The following TRPM3 variants were observed in gnomAD, a reference collection of about 807,000 sequenced individuals.
TRPM3 encodes the protein long transient receptor potential channel 3.
A neutral mutation model predicts 181.2 loss-of-function variants in TRPM3; 77 were observed. The observed-to-expected ratio is 0.42, with a 90% confidence interval of 0.35 to 0.51. TRPM3 has a LOEUF of 0.51. TRPM3 is among the 20% of genes least tolerant of loss of function. The probability of loss-of-function intolerance (pLI) is 0.01; values close to 1 mark genes in which losing one functional copy is unlikely to be tolerated. For synonymous variants in TRPM3, 745 were observed against 796.4 expected, an observed-to-expected ratio of 0.94 and a Z score of 1.09; for missense variants, 1,759 against 2,196.7, an observed-to-expected ratio of 0.80 and a Z score of 3.98.
intron 22 of TRPM3, among the ~76,000 whole-genome samples, chr9:70,567,699 A>G (rs2051004335): frequency 6.7e-6 from 1 of 148,168 alleles, no homozygotes; most frequent in Non-Finnish European, 1.5e-5. Flanking sequence ...CCTACATAGA[A>G]AGAAAACAAG....
chr9:71,282,170 TGAAAGAAAGAAAGAAAG>T lies in TRPM3; in HGVS notation c.183+164466_183+164482del, dbSNP rs1215135722. Among the ~76,000 whole-genome samples, 8 of 16,540 alleles carry T rather than the reference TGAAAGAAAGAAAGAAAG, an allele frequency of 4.8e-4. 2 individuals are homozygous for T. Among genetic ancestry groups the T allele is most frequent in the Non-Finnish European group, 8.9e-4 (7 of 7,892 alleles). The allele number at this position is 16,540 out of a possible 152,430, so 10.9% of individuals were successfully genotyped here. ...GAAAGAAAGAAAGGAAAAGAAAGAA[TGAAAGAAAGAAAGAAAG>T]GAAAGAAAGAATGAAAGAAAGAAAG... On this transcript the variant is annotated intron_variant, in intron 1 of 24. Coordinates refer to the TRPM3 transcript ENST00000357533.
chr9:71,237,343 A>G (rs2131944967), intron 1 of TRPM3, among the ~76,000 whole-genome samples: 1 of 152,156 alleles, frequency 6.6e-6, no homozygotes, highest in South Asian at 2.1e-4. Flanking sequence ...TGACCTCAAC[A>G]TTTTCCTACA....
At chr9:70,967,606 C>T (rs1369133900) in intron 1 of TRPM3, among the ~76,000 whole-genome samples, 5 of 152,066 alleles carry the variant, frequency 3.3e-5, no homozygotes, top group African/African-American at 1.2e-4. Flanking sequence ...AAGTGTGTCC[C>T]ATGGAACACA....
At chr9:70,865,051 G>GT (rs1353635315) in intron 1 of TRPM3, among the ~76,000 whole-genome samples, 2 of 150,932 alleles carry the variant, frequency 1.3e-5, no homozygotes, top group African/African-American at 4.9e-5. Context: ...GGGGTTGGGG[G>GT]GGGGGAGGAA....
intron 1 of TRPM3, among the ~76,000 whole-genome samples, chr9:71,204,801 T>A (rs912593686): frequency 2.6e-5 from 4 of 152,056 alleles, no homozygotes; most frequent in Non-Finnish European, 5.9e-5. Flanking sequence ...TAGCAAAGAC[T>A]TGGAACCAAG....
intron 1 of TRPM3, among the ~76,000 whole-genome samples, chr9:71,404,795 T>A (rs1374615571): frequency 6.6e-6 from 1 of 152,124 alleles, no homozygotes; most frequent in Non-Finnish European, 1.5e-5. Flanking sequence ...ATGCCCTAAT[T>A]TCTTCTGCTT....
intron 1 of TRPM3, among the ~76,000 whole-genome samples, chr9:71,037,290 A>G (rs1467538567): frequency 6.6e-6 from 1 of 152,218 alleles, no homozygotes. Context: ...CCAATTAGTA[A>G]TTAGTCCATA....
At chr9:71,219,950 G>T (rs1350959149) in intron 1 of TRPM3, among the ~76,000 whole-genome samples, 1 of 152,102 alleles carries the variant, frequency 6.6e-6, no homozygotes, top group African/African-American at 2.4e-5. Flanking sequence ...TTTCAAAATG[G>T]ATTATATTCC....
intron 1 of TRPM3, among the ~76,000 whole-genome samples, chr9:71,034,427 A>C (rs2057927570): frequency 6.6e-6 from 1 of 152,180 alleles, no homozygotes; most frequent in Non-Finnish European, 1.5e-5. Flanking sequence ...TGAATATTTC[A>C]TTCATACAAT....
chr9:71,027,999 C>T lies in TRPM3; in HGVS notation c.177+93179G>A, dbSNP rs529577583. Among the ~76,000 whole-genome samples the T allele has an allele frequency of 4.9e-4, 74 of 152,024 alleles. 1 individual carries two copies. Among genetic ancestry groups the T allele is most frequent in the African/African-American group, 1.4e-3 (57 of 41,466 alleles). Reference sequence around the variant, plus strand: ...AAAATATGTCACAAGAGGATCATCCCCAAGACATAATCAGCAGATTCTCCA... The same window carrying T: ...AAAATATGTCACAAGAGGATCATCCTCAAGACATAATCAGCAGATTCTCCA... On this transcript the variant is annotated intron_variant, in intron 1 of 25. Coordinates refer to ENST00000677713, the MANE Select transcript of TRPM3 (RefSeq NM_001366145.2).
At chr9:71,088,939 A>G (rs1308384137) in intron 1 of TRPM3, among the ~76,000 whole-genome samples, 1 of 151,674 alleles carries the variant, frequency 6.6e-6, no homozygotes, top group Non-Finnish European at 1.5e-5. Flanking sequence ...GTGGTGAGGA[A>G]AGAGGAGATA....
chr9:70,892,023 G>A (rs1753910979), intron 1 of TRPM3, among the ~76,000 whole-genome samples: 1 of 152,150 alleles, frequency 6.6e-6, no homozygotes, highest in Non-Finnish European at 1.5e-5. Flanking sequence ...CCACAGCAGG[G>A]TGAATACCTG....
At chr9:70,610,550 A>G in intron 19 of TRPM3, 59 bp downstream of exon 19, 1 of 1,580,054 alleles carries the variant, frequency 6.3e-7, no homozygotes, top group Non-Finnish European at 8.6e-7. Context: ...GATGCATGAG[A>G]AATGGACGTT....
chr9:71,368,682 C>T (rs904123241), intron 1 of TRPM3, among the ~76,000 whole-genome samples: 20 of 152,178 alleles, frequency 1.3e-4, no homozygotes, highest in African/African-American at 3.9e-4. Flanking sequence ...GAAATGTTTG[C>T]TTTAACACTT....
chr9:71,042,672 A>G (rs2058966335), intron 1 of TRPM3, among the ~76,000 whole-genome samples: 1 of 152,222 alleles, frequency 6.6e-6, no homozygotes, highest in African/African-American at 2.4e-5. Context: ...GTTGACTTCT[A>G]ATCAGCAGTA....
intron 1 of TRPM3, among the ~76,000 whole-genome samples, chr9:71,164,595 T>G (rs949552795): frequency 2.6e-5 from 4 of 151,942 alleles, no homozygotes; most frequent in Non-Finnish European, 5.9e-5. Flanking sequence ...CTGAAAAGTA[T>G]CTATATAAAG....
At chr9:71,257,543 A>AT (rs1256123782) in intron 1 of TRPM3, among the ~76,000 whole-genome samples, 1 of 152,150 alleles carries the variant, frequency 6.6e-6, no homozygotes, top group African/African-American at 2.4e-5. Flanking sequence ...TATATGAGAT[A>AT]TTTTTCAATA....
chr9:70,945,258 G>A (rs947462931), intron 1 of TRPM3, among the ~76,000 whole-genome samples: 10 of 152,034 alleles, frequency 6.6e-5, no homozygotes, highest in African/African-American at 2.2e-4. Flanking sequence ...TTACCTTTTC[G>A]TAATATTAAC....
At chr9:71,269,752 C>T (rs2132120507) in intron 1 of TRPM3, among the ~76,000 whole-genome samples, 1 of 152,198 alleles carries the variant, frequency 6.6e-6, no homozygotes, top group East Asian at 1.9e-4. Context: ...TATATTTTTG[C>T]CTGTAGTTCC....
Sources: allele counts gnomAD v4.1 joint callset (sites outside exome capture counted in the v4.1 genomes callset), GRCh38; gene constraint gnomAD v4.1.1; transcripts MANE v1.5; gene names NCBI Gene and HGNC (gene_info 2026-07-23, HGNC 2026-07-21).